The following UBE2W variants were observed in gnomAD, a reference collection of about 807,000 sequenced individuals.
The protein encoded by UBE2W is ubiquitin conjugating enzyme E2 W.
In UBE2W, 18 loss-of-function variants were observed where a neutral mutation model predicts 27.2. The observed-to-expected ratio is 0.66, with a 90% CI of 0.46 to 0.98. The LOEUF (loss-of-function observed/expected upper bound fraction) is 0.98. Ranked by LOEUF, UBE2W falls within the 50% of genes least tolerant of loss-of-function variation. UBE2W has a pLI of 0.00. For synonymous variants in UBE2W, 53 were observed against 57.2 expected (o/e 0.93, Z 0.33); for missense variants, 90 against 180.2 (o/e 0.50, Z 2.87).
intron 2 of UBE2W, among the ~76,000 whole-genome samples, chr8:73,830,095 A>C (rs758692555): frequency 6.6e-6 from 1 of 152,184 alleles, no homozygotes; most frequent in Non-Finnish European, 1.5e-5. Context: ...ATTATAGATG[A>C]GAATCACTTC....
At chr8:73,860,990 T>C (rs1811513201) in intron 1 of UBE2W, among the ~76,000 whole-genome samples, 1 of 152,124 alleles carries the variant, frequency 6.6e-6, no homozygotes, top group African/African-American at 2.4e-5. Flanking sequence ...TGGTGGCATG[T>C]ACCTGTAGTC....
intron 5 of UBE2W, among the ~76,000 whole-genome samples, chr8:73,794,866 A>G (rs1220242813): frequency 3.4e-5 from 5 of 148,446 alleles, no homozygotes; most frequent in African/African-American, 1.0e-4. Context: ...AAAAAAAAAA[A>G]AAAGAAAAAA....
intron 1 of UBE2W, among the ~76,000 whole-genome samples, chr8:73,875,120 T>C (rs1386808512): frequency 1.3e-5 from 2 of 151,934 alleles, no homozygotes; most frequent in Non-Finnish European, 2.9e-5. Context: ...GAAGAAACAA[T>C]AGGAAGGAAA....
intron 1 of UBE2W, among the ~76,000 whole-genome samples, chr8:73,849,006 A>C (rs1028580566): frequency 6.6e-6 from 1 of 151,910 alleles, no homozygotes; most frequent in South Asian, 2.1e-4. Flanking sequence ...GTTGGTTCAC[A>C]ATAAAGCTGT....
intron 3 of UBE2W, among the ~76,000 whole-genome samples, chr8:73,818,163 G>A (rs1037412311): frequency 2.0e-5 from 3 of 152,156 alleles, no homozygotes; most frequent in Non-Finnish European, 4.4e-5. Context: ...TCACACTTCA[G>A]TTGTCTGTAC....
chr8:73,796,270 A>G (rs1219731839), intron 5 of UBE2W, among the ~76,000 whole-genome samples: 1 of 152,144 alleles, frequency 6.6e-6, no homozygotes, highest in East Asian at 1.9e-4. Context: ...CTAAGCTAAA[A>G]GATGGCACTA....
chr8:73,844,442 C>T (rs1399386506), intron 1 of UBE2W, among the ~76,000 whole-genome samples: 1 of 152,238 alleles, frequency 6.6e-6, no homozygotes, highest in Non-Finnish European at 1.5e-5. Flanking sequence ...GTCTCACTCA[C>T]TCAGTGCTCA....
intron 1 of UBE2W, among the ~76,000 whole-genome samples, chr8:73,833,185 A>G (rs1377494425): frequency 2.0e-5 from 2 of 97,652 alleles, no homozygotes; most frequent in Admixed American, 9.5e-5. Context: ...ACTCCACCTC[A>G]AAAAAAAAAA....
At chr8:73,835,226 T>A (rs1810257423) in intron 1 of UBE2W, among the ~76,000 whole-genome samples, 1 of 144,700 alleles carries the variant, frequency 6.9e-6, no homozygotes, top group South Asian at 2.1e-4. Context: ...GGAAAAGGGT[T>A]CTATAGAAAA....
At chr8:73,801,205 TAAG>T (rs1808626823) in intron 5 of UBE2W, among the ~76,000 whole-genome samples, 1 of 152,206 alleles carries the variant, frequency 6.6e-6, no homozygotes, top group African/African-American at 2.4e-5. Context: ...CAAAAGCAGG[TAAG>T]AAGAAACTCT....
intron 3 of UBE2W, among the ~76,000 whole-genome samples, chr8:73,818,158 C>T (rs763373260): frequency 6.6e-6 from 1 of 152,244 alleles, no homozygotes; most frequent in Non-Finnish European, 1.5e-5. Context: ...ACAATTCACA[C>T]TTCAGTTGTC....
rs1808047815 is a variant in UBE2W at position 73,788,300 on chromosome 8, G to A, written c.*5802C>T. The A allele has an allele frequency of 1.0e-6, 1 of 983,896 alleles. No homozygotes were observed. The highest frequency in any genetic ancestry group is 1.7e-5 in the African/African-American group (1 of 57,192). 60.9% of individuals were successfully genotyped at this position (983,896 alleles called of 1,614,324 possible). ...TGACTTTACATATTTTGCAACTTGA[G>A]TTTATAAAATATATACATCCACCCT... On this transcript the variant is annotated 3_prime_UTR_variant, in exon 6 of 6. Transcript: ENST00000602593.
At chr8:73,858,478 C>T (rs978171997) in intron 1 of UBE2W, among the ~76,000 whole-genome samples, 11 of 151,620 alleles carry the variant, frequency 7.3e-5, no homozygotes, top group African/African-American at 2.4e-4. Context: ...TGACATCCTA[C>T]GTTGCCAATT....
At chr8:73,878,239 G>A (rs940192115) in intron 1 of UBE2W, among the ~76,000 whole-genome samples, 1 of 152,230 alleles carries the variant, frequency 6.6e-6, no homozygotes, top group South Asian at 2.1e-4. Context: ...ACGGGCACAG[G>A]ATTAAGAGTC....
chr8:73,796,160 T>A (rs1034467348), intron 5 of UBE2W, among the ~76,000 whole-genome samples: 4 of 150,946 alleles, frequency 2.6e-5, no homozygotes, highest in Non-Finnish European at 5.9e-5. Flanking sequence ...TAAAACAAAC[T>A]TAGGAATATT....
At chr8:73,822,053 C>T (rs995119853) in intron 3 of UBE2W, among the ~76,000 whole-genome samples, 4 of 152,248 alleles carry the variant, frequency 2.6e-5, no homozygotes, top group South Asian at 4.1e-4. Flanking sequence ...AACTACAAAT[C>T]GTTCTTCAAA....
At chr8:73,819,507 T>C (rs182145145) in intron 3 of UBE2W, among the ~76,000 whole-genome samples, 3 of 152,332 alleles carry the variant, frequency 2.0e-5, no homozygotes, top group African/African-American at 7.2e-5. Flanking sequence ...AGAAACAGTA[T>C]TTGATACATA....
intron 3 of UBE2W, among the ~76,000 whole-genome samples, chr8:73,813,005 TAAA>T (rs1268361193): frequency 5.6e-5 from 4 of 71,770 alleles, no homozygotes; most frequent in Non-Finnish European, 5.3e-5. Context: ...AACTCGGCCT[TAAA>T]AAAAAAAAAA....
chr8:73,845,056 C>G (rs28594807), intron 1 of UBE2W, among the ~76,000 whole-genome samples: 15,313 of 138,864 alleles, frequency 0.11, 2,613 homozygotes, highest in African/African-American at 0.37. Flanking sequence ...CGGGAGGTGG[C>G]CAGCCCCCGC....
Sources: gnomAD v4.1 joint callset for allele counts (sites outside exome capture counted in the v4.1 genomes callset) on GRCh38, gnomAD v4.1.1 for gene constraint, MANE v1.5 for transcripts, NCBI Gene and HGNC (gene_info 2026-07-23, HGNC 2026-07-21) for gene names.